The following TTC3 variants were observed in gnomAD, a reference collection of about 807,000 sequenced individuals.
The protein encoded by TTC3 is E3 ubiquitin-protein ligase TTC3.
In TTC3, 180 loss-of-function variants were observed where a neutral mutation model predicts 249.6. That is an observed-to-expected ratio of 0.72 (90% CI 0.64 to 0.82). The LOEUF (loss-of-function observed/expected upper bound fraction) is 0.82. Among genes scored for constraint, TTC3 ranks in the 40% least tolerant of loss-of-function variants. The probability of loss-of-function intolerance (pLI) is 0.00; values close to 1 mark genes in which losing one functional copy is unlikely to be tolerated. For missense variants in TTC3, 2,061 were observed against 2,398.4 expected, an observed-to-expected ratio of 0.86 and a Z score of 2.94; for synonymous variants, 717 against 805.0, an observed-to-expected ratio of 0.89 and a Z score of 1.85.
At chr21:37,084,652 G>T (rs1415187522) in intron 1 of TTC3, among the ~76,000 whole-genome samples, 1 of 152,192 alleles carries the variant, frequency 6.6e-6, no homozygotes, top group South Asian at 2.1e-4. Flanking sequence ...AGTCTTGGCT[G>T]CAGAGTCCCT....
chr21:37,103,815 G>T (rs1013162948), intron 10 of TTC3, among the ~76,000 whole-genome samples: 5 of 152,140 alleles, frequency 3.3e-5, no homozygotes, highest in Non-Finnish European at 5.9e-5. Context: ...TAGATGGCCT[G>T]AATACAGAGG....
At chr21:37,175,036 A>C (rs892398731) in intron 35 of TTC3, among the ~76,000 whole-genome samples, 2 of 151,338 alleles carry the variant, frequency 1.3e-5, no homozygotes, top group Admixed American at 1.3e-4. Flanking sequence ...TGGGTGGATC[A>C]CGAGGTCAGG....
intron 22 of TTC3, among the ~76,000 whole-genome samples, chr21:37,147,986 A>T (rs983281859): frequency 1.3e-5 from 2 of 152,162 alleles, no homozygotes; most frequent in Non-Finnish European, 2.9e-5. Flanking sequence ...TCAGCCTCCC[A>T]AAGTGTGGGA....
At chr21:37,171,686 C>T (rs925433851) in intron 34 of TTC3, among the ~76,000 whole-genome samples, 7 of 152,172 alleles carry the variant, frequency 4.6e-5, no homozygotes, top group African/African-American at 1.7e-4. Flanking sequence ...TAAGCATGGA[C>T]TCTATTTATA....
chr21:37,187,791 A>G (rs546618616), intron 38 of TTC3: 1 of 152,394 alleles, frequency 6.6e-6, no homozygotes, highest in Admixed American at 6.5e-5. Context: ...AGAATTGACT[A>G]TGCACCTGCT....
chr21:37,121,917 A>G, exon 12 of TTC3: 1 of 1,613,170 alleles, frequency 6.2e-7, no homozygotes, highest in Non-Finnish European at 8.5e-7. Flanking sequence ...AATGACCCTG[A>G]GGGAATCAAG....
At chr21:37,162,143 A>G in intron 31 of TTC3, 80 bp downstream of exon 31, 1 of 876,290 alleles carries the variant, frequency 1.1e-6, no homozygotes, top group East Asian at 2.8e-5. Context: ...TAATATATAT[A>G]AACTTGTGTT....
intron 8 of TTC3, 94 bp from the exon 9 acceptor site, chr21:37,095,256 G>A (rs11701444): frequency 0.13 from 95,449 of 710,604 alleles, 6,909 homozygotes; most frequent in Non-Finnish European, 0.15. Flanking sequence ...TTCTGATATC[G>A]AAGATAGAAA....
intron 35 of TTC3, among the ~76,000 whole-genome samples, chr21:37,179,096 AC>A (rs1445384535): frequency 6.6e-6 from 1 of 152,058 alleles, no homozygotes; most frequent in Non-Finnish European, 1.5e-5. Flanking sequence ...ATGTGATGAG[AC>A]CCTCACTCGC....
chr21:37,194,142 C>T (rs2084568473), intron 41 of TTC3, among the ~76,000 whole-genome samples: 1 of 152,220 alleles, frequency 6.6e-6, no homozygotes, highest in South Asian at 2.1e-4. Flanking sequence ...CTTCTAGCTT[C>T]ATTAGACCAG....
intron 45 of TTC3, 38 bp from the exon 46 acceptor site, chr21:37,201,402 C>T: frequency 6.2e-7 from 1 of 1,612,308 alleles, no homozygotes; most frequent in Non-Finnish European, 8.5e-7. Flanking sequence ...TCCTCATGGT[C>T]CTGAAGGCAT....
chr21:37,147,731 A>ATTTTTT (rs372841981), intron 22 of TTC3, 128 bp downstream of exon 22: 7 of 847,688 alleles, frequency 8.3e-6, no homozygotes, highest in Middle Eastern at 3.2e-4. Flanking sequence ...CTTTCCCAGG[A>ATTTTTT]TTTTTTTTTT....
At chr21:37,195,905 A>T in exon 42 of TTC3, 1 of 1,614,246 alleles carries the variant, frequency 6.2e-7, no homozygotes, top group East Asian at 2.2e-5. Context: ...CAGCTCTGTC[A>T]GAACGAAGCC....
chr21:37,135,576 A>G (rs1236408976), intron 18 of TTC3, 62 bp downstream of exon 18: 3 of 1,561,208 alleles, frequency 1.9e-6, no homozygotes, highest in Non-Finnish European at 2.6e-6. Context: ...AATGCAGAAG[A>G]GAACCAAGGG....
At chr21:37,200,255 A>G (rs1299910101) in exon 45 of TTC3, 1 of 1,614,080 alleles carries the variant, frequency 6.2e-7, no homozygotes, top group Non-Finnish European at 8.5e-7. Flanking sequence ...GTTCCTGTGA[A>G]ATATGCCACG....
chr21:37,079,116 C>T (rs551522497), intron 1 of TTC3, among the ~76,000 whole-genome samples: 143 of 152,114 alleles, frequency 9.4e-4, no homozygotes, highest in African/African-American at 3.2e-3. Flanking sequence ...TTGAGATAAA[C>T]CCAAATTGGT....
chr21:37,100,390 A>G (rs775504683), intron 10 of TTC3, among the ~76,000 whole-genome samples: 2 of 152,226 alleles, frequency 1.3e-5, no homozygotes, highest in African/African-American at 2.4e-5. Flanking sequence ...CTAAACATCA[A>G]GGATAAAATA....
Position 37,148,574 on chromosome 21 carries a change from A to T in TTC3, c.2045A>T (p.Tyr682Phe), listed in dbSNP as rs1226203780. 1.3e-6 allele frequency: 2 copies of T among 1,599,196 alleles called. No homozygotes were observed. Among genetic ancestry groups the T allele is most frequent in the Non-Finnish European group, 1.7e-6 (2 of 1,175,362 alleles). ...TTTATACGCATCAGCTGTTGCCAGT[A>T]CTGTAAAATAGAATTTCACATGAAT... The change falls in exon 23 of 46, where the codon TAC (tyrosine) becomes TTC (phenylalanine). Residue 682 changes from tyrosine to phenylalanine, a missense_variant. This residue lies in a region of TTC3 where 989 missense variants were observed against 1,145.1 expected (regional missense o/e 0.86). Transcript: ENST00000355666.
intron 4 of TTC3, 35 bp downstream of exon 4, chr21:37,088,381 A>G: frequency 6.3e-7 from 1 of 1,582,562 alleles, no homozygotes; most frequent in Admixed American, 1.8e-5. Context: ...TTGTGTGGAC[A>G]GTGATAAACA....
Sources: gnomAD v4.1 joint callset for allele counts (sites outside exome capture counted in the v4.1 genomes callset) on GRCh38, gnomAD v4.1.1 for gene constraint, gnomAD v4.1.1 regional missense constraint, MANE v1.5 for transcripts, NCBI Gene and HGNC (gene_info 2026-07-23, HGNC 2026-07-21) for gene names.